The following RYR2 variants were observed in gnomAD, a reference collection of about 807,000 sequenced individuals.
The protein encoded by RYR2 is cardiac muscle ryanodine receptor-calcium release channel.
A neutral mutation model predicts 601.1 loss-of-function variants in RYR2; 227 were observed. The observed-to-expected ratio is 0.38, with a 90% CI of 0.34 to 0.42. The LOEUF is 0.42. Ranked by LOEUF, RYR2 falls within the 10% of genes least tolerant of loss-of-function variation. The pLI, the probability that RYR2 is intolerant of heterozygous loss-of-function variation, is 1.00. For synonymous variants in RYR2, 2,223 were observed against 2,175.1 expected (o/e 1.02, Z -0.61); for missense variants, 4,646 against 6,156.5 (o/e 0.75, Z 8.21).
intron 84 of RYR2, among the ~76,000 whole-genome samples, chr1:237,768,001 A>G (rs1390516793): frequency 6.6e-6 from 1 of 152,160 alleles, no homozygotes; most frequent in East Asian, 1.9e-4. Context: ...ACAGGACCTG[A>G]TAAAGAGAAT....
At chr1:237,331,753 ATC>A (rs1696762129) in intron 3 of RYR2, among the ~76,000 whole-genome samples, 1 of 150,668 alleles carries the variant, frequency 6.6e-6, no homozygotes, top group African/African-American at 2.4e-5. Flanking sequence ...TGACCTCGTG[ATC>A]TGCCCACCTT....
chr1:237,764,247 C>A (rs868669395), intron 84 of RYR2, among the ~76,000 whole-genome samples: 9 of 152,072 alleles, frequency 5.9e-5, no homozygotes, highest in African/African-American at 2.2e-4. Flanking sequence ...TTGACTTGTC[C>A]AAGGTCACAC....
Position 237,080,679 on chromosome 1 carries a change from G to C in RYR2, c.48+38110G>C, listed in dbSNP as rs1224426959. 1.0e-3 allele frequency among the ~76,000 whole-genome samples: 66 copies of C among 63,480 alleles called. 2 individuals are homozygous for C. Among genetic ancestry groups the C allele is most frequent in the African/African-American group, 2.7e-3 (60 of 22,148 alleles). 41.6% of individuals were successfully genotyped at this position (63,480 alleles called of 152,430 possible). On this transcript the variant is annotated intron_variant, in intron 1 of 104. Coordinates refer to ENST00000366574, the MANE Select transcript of RYR2 (RefSeq NM_001035.3). ...AAATAGGAACACTTTTACACTGTTG[G>C]TGGGACTGTAAACTAGTTCAACCAT...
chr1:237,767,019 T>C (rs937675638), intron 84 of RYR2, among the ~76,000 whole-genome samples: 1 of 146,876 alleles, frequency 6.8e-6, no homozygotes, highest in Admixed American at 6.9e-5. Context: ...TTTATTTCTT[T>C]TGTGCTTTGT....
chr1:237,742,292 A>C lies in RYR2; in HGVS notation c.11092-4A>C. The C allele has an allele frequency of 6.6e-7, 1 of 1,525,444 alleles. No homozygotes were observed. The highest frequency in any genetic ancestry group is 8.8e-7 in the Non-Finnish European group (1 of 1,132,688). 94.5% of individuals were successfully genotyped at this position (1,525,444 alleles called of 1,614,324 possible). A position where few individuals can be genotyped will look rare whatever the true frequency, so the allele number is the denominator to read the frequency against. On this transcript the variant is annotated splice_region_variant and splice_polypyrimidine_tract_variant and intron_variant, in intron 79 of 104. Transcript: ENST00000366574. ...CTCCTTTTTTTTTTTTTTTAAATATACAGAGTTGTCATGATGAGGAAGATG... is the reference window on the plus strand; with the variant it reads ...CTCCTTTTTTTTTTTTTTTAAATATCCAGAGTTGTCATGATGAGGAAGATG...
intron 63 of RYR2, among the ~76,000 whole-genome samples, chr1:237,694,293 CAAAAAAAA>C (rs35085689): frequency 2.2e-5 from 2 of 91,924 alleles, no homozygotes; most frequent in Non-Finnish European, 4.5e-5. Context: ...GACTCCCTCT[CAAAAAAAA>C]AAAAAAAAAG....
intron 1 of RYR2, among the ~76,000 whole-genome samples, chr1:237,117,369 G>T (rs1670189485): frequency 6.6e-6 from 1 of 152,130 alleles, no homozygotes; most frequent in Non-Finnish European, 1.5e-5. Flanking sequence ...GTCAGTGGAG[G>T]TTTATAAACA....
At chr1:237,782,174 AT>A in intron 89 of RYR2, among the ~76,000 whole-genome samples, 1 of 87,768 alleles carries the variant, frequency 1.1e-5, no homozygotes. Flanking sequence ...TTATTTTGTT[AT>A]TGCTTTTTTT....
At chr1:237,711,093 A>G (rs1426671011) in intron 70 of RYR2, among the ~76,000 whole-genome samples, 1 of 152,210 alleles carries the variant, frequency 6.6e-6, no homozygotes, top group Non-Finnish European at 1.5e-5. Context: ...AGATTTAGGT[A>G]CAAGACTAAA....
intron 2 of RYR2, among the ~76,000 whole-genome samples, chr1:237,275,015 G>A (rs984286970): frequency 2.8e-4 from 42 of 151,602 alleles, no homozygotes; most frequent in Non-Finnish European, 5.2e-4. Context: ...CACATTTCTA[G>A]CATGTGTCCC....
chr1:237,762,502 C>T (rs888309476), intron 84 of RYR2, among the ~76,000 whole-genome samples: 1 of 152,224 alleles, frequency 6.6e-6, no homozygotes, highest in Non-Finnish European at 1.5e-5. Context: ...ACCTAATGTT[C>T]CAGGGGCTCC....
At chr1:237,324,583 A>G (rs1412912441) in intron 2 of RYR2, among the ~76,000 whole-genome samples, 2 of 152,204 alleles carry the variant, frequency 1.3e-5, no homozygotes, top group Admixed American at 1.3e-4. Context: ...AATTAGGCAG[A>G]TAAAATTATA....
chr1:237,832,151 G>C (rs1663869148), intron 104 of RYR2, among the ~76,000 whole-genome samples: 1 of 151,496 alleles, frequency 6.6e-6, no homozygotes. Context: ...AAATCCTCCT[G>C]TTTCAGCCCC....
chr1:237,234,145 T>C (rs1685300541), intron 1 of RYR2, among the ~76,000 whole-genome samples: 1 of 152,208 alleles, frequency 6.6e-6, no homozygotes, highest in African/African-American at 2.4e-5. Flanking sequence ...TATTAGATTA[T>C]TATGTCCTGA....
chr1:237,781,265 G>A (rs1695084708), intron 88 of RYR2, among the ~76,000 whole-genome samples: 1 of 152,162 alleles, frequency 6.6e-6, no homozygotes, highest in African/African-American at 2.4e-5. Flanking sequence ...GCCCAGCCTG[G>A]TCTCAAACTC....
intron 1 of RYR2, among the ~76,000 whole-genome samples, chr1:237,264,404 T>C (rs1307881702): frequency 1.3e-5 from 2 of 152,172 alleles, no homozygotes; most frequent in Non-Finnish European, 2.9e-5. Flanking sequence ...TACAGTTCCT[T>C]ATTTGGCCAA....
At chr1:237,565,885 T>C (rs540469134) in intron 27 of RYR2, among the ~76,000 whole-genome samples, 12 of 152,262 alleles carry the variant, frequency 7.9e-5, no homozygotes, top group African/African-American at 2.6e-4. Context: ...GGGATACTTT[T>C]CCCCCTTTTG....
At chr1:237,768,913 G>A (rs1694059859) in intron 84 of RYR2, among the ~76,000 whole-genome samples, 1 of 152,072 alleles carries the variant, frequency 6.6e-6, no homozygotes, top group African/African-American at 2.4e-5. Flanking sequence ...CCTTATATAA[G>A]TGAAATTACT....
At chr1:237,646,993 G>A (rs1242074395) in intron 48 of RYR2, among the ~76,000 whole-genome samples, 4 of 152,174 alleles carry the variant, frequency 2.6e-5, no homozygotes, top group African/African-American at 9.7e-5. Flanking sequence ...AGCTTAAAAA[G>A]CAAAGCATAT....
Sources: allele counts gnomAD v4.1 joint callset (sites outside exome capture counted in the v4.1 genomes callset), GRCh38; gene constraint gnomAD v4.1.1; transcripts MANE v1.5; gene names NCBI Gene and HGNC (gene_info 2026-07-23, HGNC 2026-07-21).